CPNE5: variants seen among roughly 807,000 people sequenced by gnomAD.
CPNE5 encodes the protein copine-5.
In CPNE5, 42 loss-of-function variants were observed where a neutral mutation model predicts 81.1. The observed-to-expected ratio is 0.52, with a 90% CI of 0.40 to 0.67. The LOEUF (loss-of-function observed/expected upper bound fraction) is 0.67, where lower values mean the gene tolerates loss of function less well. Ranked by LOEUF, CPNE5 falls within the 30% of genes least tolerant of loss-of-function variation. The probability of loss-of-function intolerance (pLI) is 0.00; values close to 1 mark genes in which losing one functional copy is unlikely to be tolerated. For missense variants in CPNE5, 612 were observed against 815.5 expected, an observed-to-expected ratio of 0.75 and a Z score of 3.04; for synonymous variants, 313 against 321.5, an observed-to-expected ratio of 0.97 and a Z score of 0.28.
At chr6:36,825,656 C>T (rs776670716) in intron 1 of CPNE5, among the ~76,000 whole-genome samples, 1 of 152,182 alleles carries the variant, frequency 6.6e-6, no homozygotes, top group Non-Finnish European at 1.5e-5. Flanking sequence ...AGGGGCTGCA[C>T]GTGAGACACC....
rs201109529 is a variant in CPNE5, at chr6:36,746,388, C to T, written c.1200+8G>A. 2.9e-5 allele frequency: 47 copies of T among 1,606,104 alleles called. No homozygotes were observed. Among genetic ancestry groups the T allele is most frequent in the Non-Finnish European group, 3.8e-5 (45 of 1,176,676 alleles). On this transcript the variant is annotated splice_region_variant and intron_variant, in intron 16 of 20. Coordinates refer to ENST00000244751, the MANE Select transcript of CPNE5 (RefSeq NM_020939.2). The surrounding 1 kb of genome is among the most constrained non-coding windows in gnomAD (Gnocchi z 4.5). The stretch of plus-strand genomic sequence containing the variant: ...TCAGTCCTCTCTCCCACCAGCGGGA[C>T]CACCTACCAGTGGGAACTCGTGGGA...
At chr6:36,793,474 C>T (rs1769278761) in intron 7 of CPNE5, among the ~76,000 whole-genome samples, 1 of 152,168 alleles carries the variant, frequency 6.6e-6, no homozygotes, top group Admixed American at 6.5e-5. Flanking sequence ...AGATAGAATC[C>T]TCCACGCCAG....
intron 19 of CPNE5, 108 bp downstream of exon 19, chr6:36,744,160 G>A (rs1763854136): frequency 1.1e-6 from 1 of 922,022 alleles, no homozygotes. Context: ...TCACTCTTTT[G>A]GGAGGGGTCA....
chr6:36,742,663 G>A lies in CPNE5; in HGVS notation c.1564-177C>T, dbSNP rs983368290. 51 of 983,686 alleles carry A rather than the reference G, an allele frequency of 5.2e-5. No homozygotes were observed. In the South Asian group the frequency reaches 5.6e-4, roughly 11 times the overall value. 60.9% of individuals were successfully genotyped at this position (983,686 alleles called of 1,614,324 possible). ...TCCCTCAACTCCCTGGGTTTGGGCA[G>A]TCAGTAACTATAGTCATAGTCACTA... On this transcript the variant is annotated intron_variant, in intron 20 of 20. Coordinates refer to ENST00000244751, the MANE Select transcript of CPNE5 (RefSeq NM_020939.2).
chr6:36,798,230 G>A lies in CPNE5; in HGVS notation c.339C>T (p.Gly113=), dbSNP rs1290569205. 1.9e-6 allele frequency: 3 copies of A among 1,613,412 alleles called. No individual in the cohort carries two copies. The highest frequency in any genetic ancestry group is 1.7e-6 in the Non-Finnish European group (2 of 1,179,710). The part of the protein sequence containing the change: ...SPDLSKHDFL[G]QAFCTLGEIV... ...TCTCTCCAAGGGTGCAGAAGGCCTG[G>A]CCCAGGAAATCCTGCATATCCAGGG... The change falls in exon 6 of 21, where the codon GGC becomes GGT. Residue 113 remains glycine (G), a synonymous_variant. Coordinates refer to ENST00000244751, the MANE Select transcript of CPNE5 (RefSeq NM_020939.2).
chr6:36,802,550 TA>T (rs1255702496), intron 3 of CPNE5, among the ~76,000 whole-genome samples: 1 of 152,202 alleles, frequency 6.6e-6, no homozygotes, highest in Admixed American at 6.5e-5. Flanking sequence ...CTCAAAGTAG[TA>T]AGACAGGCAG....
chr6:36,825,451 A>C (rs1389273324), intron 1 of CPNE5, among the ~76,000 whole-genome samples: 1 of 152,118 alleles, frequency 6.6e-6, no homozygotes, highest in Non-Finnish European at 1.5e-5. Flanking sequence ...GCCACTCCCC[A>C]AAGGCAGCCA....
intron 5 of CPNE5, 98 bp from the exon 6 acceptor site, chr6:36,798,339 T>A: frequency 6.7e-7 from 1 of 1,501,188 alleles, no homozygotes; most frequent in Non-Finnish European, 9.3e-7. Context: ...TGAGGGCCCT[T>A]AAATGACAGG....
At chr6:36,795,893 TG>T (rs2150517861) in intron 6 of CPNE5, among the ~76,000 whole-genome samples, 1 of 152,304 alleles carries the variant, frequency 6.6e-6, no homozygotes, top group South Asian at 2.1e-4. Flanking sequence ...AAATCTTCGA[TG>T]GGGTAAAAGG....
At chr6:36,798,980 G>A (rs1769855029) in intron 4 of CPNE5, among the ~76,000 whole-genome samples, 1 of 152,058 alleles carries the variant, frequency 6.6e-6, no homozygotes, top group South Asian at 2.1e-4. Flanking sequence ...CACAGGCCTG[G>A]TCACTCAAGA....
chr6:36,742,098 TGAGGCCAAG>T lies in CPNE5; in HGVS notation c.*161_*169del. ...TAACTCCCTGGGTTTGGGCAATAAG[TGAGGCCAAG>T]AAATTGAGGAGGGGTCTTCAGAAGC... On this transcript the variant is annotated 3_prime_UTR_variant, in exon 21 of 21. Transcript: ENST00000244751. The T allele has an allele frequency of 1.7e-6, 1 of 594,980 alleles. No homozygotes were observed. The highest frequency in any genetic ancestry group is 3.0e-6 in the Non-Finnish European group (1 of 338,080). 36.9% of individuals were successfully genotyped at this position (594,980 alleles called of 1,614,324 possible). A position where few individuals can be genotyped will look rare whatever the true frequency, so the allele number is the denominator to read the frequency against.
At chr6:36,744,941 C>G in intron 18 of CPNE5, 107 bp downstream of exon 18, 1 of 770,094 alleles carries the variant, frequency 1.3e-6, no homozygotes, top group Non-Finnish European at 2.2e-6. Flanking sequence ...CAAGTCATCT[C>G]CAAGCATTTC....
At chr6:36,815,075 T>C (rs1217060451) in intron 3 of CPNE5, among the ~76,000 whole-genome samples, 1 of 151,762 alleles carries the variant, frequency 6.6e-6, no homozygotes, top group Non-Finnish European at 1.5e-5. Context: ...GGAGAATCAC[T>C]TGAACCCGGG....
At position 36,788,399 on chromosome 6, in the gene CPNE5, C is replaced by T. The variant is rs114879604; in HGVS notation, c.528+3634G>A. On this transcript the variant is annotated intron_variant, in intron 8 of 20. Coordinates refer to ENST00000244751, the MANE Select transcript of CPNE5 (RefSeq NM_020939.2). The stretch of plus-strand genomic sequence containing the variant: ...AGTAGCCCCACAAGGGACAGAAGGT[C>T]GGTGACTGTTCCCTGTACCGTGAGG... Among the ~76,000 whole-genome samples the T allele has an allele frequency of 3.6e-3, 555 of 152,208 alleles. 4 individuals are homozygous for T. Among genetic ancestry groups the T allele is most frequent in the African/African-American group, 0.013 (534 of 41,532 alleles).
At chr6:36,786,113 CAT>C (rs1404968424) in intron 8 of CPNE5, among the ~76,000 whole-genome samples, 1 of 150,676 alleles carries the variant, frequency 6.6e-6, no homozygotes, top group Non-Finnish European at 1.5e-5. Context: ...CTAGAATTAA[CAT>C]ATTGTCTTTT....
At chr6:36,789,369 T>G (rs1247202430) in intron 8 of CPNE5, among the ~76,000 whole-genome samples, 1 of 152,206 alleles carries the variant, frequency 6.6e-6, no homozygotes, top group African/African-American at 2.4e-5. Context: ...ACCCCTGGAA[T>G]GCTAGACCAG....
intron 9 of CPNE5, among the ~76,000 whole-genome samples, chr6:36,775,631 C>T (rs1428639665): frequency 6.6e-6 from 1 of 152,210 alleles, no homozygotes; most frequent in African/African-American, 2.4e-5. Flanking sequence ...ACGAAACCTC[C>T]CCTGACTACC....
At chr6:36,824,734 G>A (rs886109221) in intron 1 of CPNE5, among the ~76,000 whole-genome samples, 3 of 152,156 alleles carry the variant, frequency 2.0e-5, no homozygotes, top group Non-Finnish European at 4.4e-5. Flanking sequence ...ATCACTTGAG[G>A]TCGGGAGTTC....
At chr6:36,768,649 C>T (rs983861036) in intron 10 of CPNE5, among the ~76,000 whole-genome samples, 4 of 152,198 alleles carry the variant, frequency 2.6e-5, no homozygotes, top group African/African-American at 9.6e-5. Context: ...ACAAAAGCTG[C>T]GGTCCAGCTG....
Sources: allele counts gnomAD v4.1 joint callset (sites outside exome capture counted in the v4.1 genomes callset), GRCh38; gene constraint gnomAD v4.1.1; non-coding constraint Gnocchi (gnomAD v3.1); transcripts MANE v1.5; gene names NCBI Gene and HGNC (gene_info 2026-07-23, HGNC 2026-07-21).